TTLL7: variants seen among roughly 807,000 people sequenced by gnomAD.
TTLL7 encodes the protein tubulin polyglutamylase TTLL7.
TTLL7 carries 53 observed loss-of-function variants against 120.2 expected under a neutral mutation model. The ratio of observed to expected loss-of-function variants is 0.44; its 90% CI spans 0.35 to 0.55. The LOEUF (loss-of-function observed/expected upper bound fraction) is 0.55. TTLL7 is among the 20% of genes least tolerant of loss of function. The probability of loss-of-function intolerance (pLI) is 0.00; values close to 1 mark genes in which losing one functional copy is unlikely to be tolerated. For synonymous variants in TTLL7, 353 were observed against 351.7 expected, an observed-to-expected ratio of 1.00 and a Z score of -0.04; for missense variants, 803 against 1,054.7, an observed-to-expected ratio of 0.76 and a Z score of 3.31.
At chr1:83,935,366 C>T (rs1447091040) in intron 8 of TTLL7, among the ~76,000 whole-genome samples, 1 of 152,006 alleles carries the variant, frequency 6.6e-6, no homozygotes, top group East Asian at 1.9e-4. Context: ...AGAAAATAAC[C>T]TGCTTTTAGA....
At chr1:83,927,619 C>T (rs1408406903) in intron 10 of TTLL7, among the ~76,000 whole-genome samples, 3 of 152,084 alleles carry the variant, frequency 2.0e-5, no homozygotes, top group African/African-American at 7.2e-5. Context: ...GCTTAGGCTA[C>T]ATGTTGGTAA....
Position 83,947,169 on chromosome 1 carries a change from T to C in TTLL7, c.461A>G (p.Gln154Arg). The change falls in exon 6 of 21, where the codon CAG becomes CGG. Residue 154 changes from glutamine (Q) to arginine (R), a missense_variant. Physicochemically the swap from Gln to Arg is conservative, Grantham distance 43 (BLOSUM62 1). This residue lies in a region of TTLL7 where 324 missense variants were observed against 507.7 expected (regional missense o/e 0.64). Transcript: ENST00000260505. ...YVKELKKKRK[Q>R]KTFIVKPANG... ...AGCTGGTTTCACTATAAAAGTTTTC[T>C]GCTTCCGTTTTTTCTTCAATTCTTT... The C allele has an allele frequency of 6.2e-7, 1 of 1,613,516 alleles. No individual in the cohort carries two copies. The highest frequency in any genetic ancestry group is 2.2e-5 in the East Asian group (1 of 44,786).
At position 83,883,089 on chromosome 1, in the gene TTLL7, G is replaced by C. The variant is rs1462544395; in HGVS notation, c.2417C>G (p.Pro806Arg). 1 of 1,611,770 alleles carries C rather than the reference G, an allele frequency of 6.2e-7. No individual in the cohort carries two copies. The highest frequency in any genetic ancestry group is 8.5e-7 in the Non-Finnish European group (1 of 1,178,780). ...GCGCTGGCAACACTGGAGCTGCAAA[G>C]GAGTCACCACCTCCGGGCTTTTATT... ...IFNKSPEVVT[P>R]LQLQCCQRLV... Residue 806 changes from proline (P) to arginine (R), a missense_variant, in exon 20 of 21, where the codon CCT becomes CGT. By Grantham distance (103) the Pro-to-Arg change is moderately radical (BLOSUM62 -2). This residue lies in a region of TTLL7 where 388 missense variants were observed against 450.4 expected (regional missense o/e 0.86). Transcript: ENST00000260505.
chr1:83,979,965 C>G (rs1208020575), intron 1 of TTLL7: 1 of 152,182 alleles, frequency 6.6e-6, no homozygotes, highest in Non-Finnish European at 1.5e-5. Flanking sequence ...CTTCTGATAG[C>G]TGACTTTAAA....
chr1:83,958,316 C>T (rs886265712), intron 1 of TTLL7, among the ~76,000 whole-genome samples: 1 of 152,100 alleles, frequency 6.6e-6, no homozygotes, highest in African/African-American at 2.4e-5. Flanking sequence ...ATAATCTTCT[C>T]CAGATCCCTA....
chr1:83,936,513 ACTATGATAGT>A (rs1330272782), intron 8 of TTLL7, among the ~76,000 whole-genome samples: 1 of 152,188 alleles, frequency 6.6e-6, no homozygotes, highest in Non-Finnish European at 1.5e-5. Context: ...CTTCTGACTC[ACTATGATAGT>A]AAACTGTCAT....
intron 1 of TTLL7, among the ~76,000 whole-genome samples, chr1:83,964,279 G>A (rs1650259312): frequency 2.6e-5 from 4 of 152,076 alleles, no homozygotes; most frequent in African/African-American, 4.8e-5. Context: ...AAATGCAGAG[G>A]AAAAGAACTA....
chr1:83,887,188 AT>A, intron 19 of TTLL7: 4 of 1,113,588 alleles, frequency 3.6e-6, no homozygotes, highest in Non-Finnish European at 4.5e-6. Context: ...TTGTTTTATT[AT>A]TGGGAATGTT....
At chr1:83,945,375 A>G (rs1321866605) in intron 6 of TTLL7, among the ~76,000 whole-genome samples, 1 of 152,236 alleles carries the variant, frequency 6.6e-6, no homozygotes, top group Non-Finnish European at 1.5e-5. Context: ...ATCATATTAT[A>G]TAATGATTTT....
chr1:83,998,410 A>G (rs964902051), intron 1 of TTLL7, among the ~76,000 whole-genome samples: 2 of 152,204 alleles, frequency 1.3e-5, no homozygotes, highest in Non-Finnish European at 2.9e-5. Flanking sequence ...GCGATGTGAT[A>G]TAAGTGGATG....
At chr1:83,905,512 T>C (rs1446582146) in intron 17 of TTLL7, among the ~76,000 whole-genome samples, 1 of 141,676 alleles carries the variant, frequency 7.1e-6, no homozygotes, top group African/African-American at 2.5e-5. Flanking sequence ...GATGGTGCCC[T>C]CTCCTCTGGG....
chr1:83,974,367 G>T (rs1234608002), intron 1 of TTLL7, among the ~76,000 whole-genome samples: 1 of 151,840 alleles, frequency 6.6e-6, no homozygotes. Context: ...GTAAATGAAT[G>T]GGTTATATAT....
chr1:83,942,953 C>T (rs1238091726), intron 6 of TTLL7, among the ~76,000 whole-genome samples: 3 of 152,160 alleles, frequency 2.0e-5, no homozygotes, highest in Non-Finnish European at 2.9e-5. Context: ...AATCTAGTCT[C>T]GCCATCCACT....
At chr1:83,954,919 G>C (rs1218327869) in intron 1 of TTLL7, among the ~76,000 whole-genome samples, 1 of 147,016 alleles carries the variant, frequency 6.8e-6, no homozygotes, top group Non-Finnish European at 1.5e-5. Context: ...TGATTTTTAA[G>C]ATAAAGAAAC....
chr1:83,928,895 T>C (rs1221118492), intron 10 of TTLL7, among the ~76,000 whole-genome samples: 1 of 151,066 alleles, frequency 6.6e-6, no homozygotes, highest in Non-Finnish European at 1.5e-5. Flanking sequence ...TATACAGGAG[T>C]AGGGGGGACA....
At chr1:83,963,229 T>C (rs1024729685) in intron 1 of TTLL7, among the ~76,000 whole-genome samples, 1 of 152,080 alleles carries the variant, frequency 6.6e-6, no homozygotes, top group Non-Finnish European at 1.5e-5. Context: ...GACCATGGAA[T>C]TGGTTCAGAG....
intron 20 of TTLL7, among the ~76,000 whole-genome samples, chr1:83,873,197 A>C (rs1653599999): frequency 6.6e-6 from 1 of 152,214 alleles, no homozygotes; most frequent in African/African-American, 2.4e-5. Flanking sequence ...AAGACTTGAA[A>C]AGAAGTTCGG....
intron 20 of TTLL7, among the ~76,000 whole-genome samples, chr1:83,873,223 G>A (rs1653603181): frequency 6.6e-6 from 1 of 152,060 alleles, no homozygotes; most frequent in African/African-American, 2.4e-5. Context: ...ACTAAAAAAA[G>A]CATATAAAAT....
At chr1:83,961,988 T>C (rs538736221) in intron 1 of TTLL7, among the ~76,000 whole-genome samples, 4 of 152,068 alleles carry the variant, frequency 2.6e-5, no homozygotes, top group South Asian at 4.1e-4. Context: ...AGCTGTGGAG[T>C]TGAAACTTAG....
Sources: allele counts gnomAD v4.1 joint callset (sites outside exome capture counted in the v4.1 genomes callset), GRCh38; gene constraint gnomAD v4.1.1; regional missense constraint gnomAD v4.1.1; transcripts MANE v1.5; gene names NCBI Gene and HGNC (gene_info 2026-07-23, HGNC 2026-07-21).